Variants in ATF7IP observed in about 807,000 individuals in gnomAD.
The protein encoded by ATF7IP is activating transcription factor 7-interacting protein 1.
Under a neutral mutation model 106.4 loss-of-function variants are expected in ATF7IP, and 23 were observed. The ratio of observed to expected loss-of-function variants is 0.22; its 90% confidence interval spans 0.16 to 0.31. The LOEUF (loss-of-function observed/expected upper bound fraction) is 0.31, where lower values mean the gene tolerates loss of function less well. Among genes scored for constraint, ATF7IP ranks in the 10% least tolerant of loss-of-function variants. ATF7IP has a pLI of 1.00. For synonymous variants in ATF7IP, 542 were observed against 539.0 expected (o/e 1.01, Z -0.08); for missense variants, 1,334 against 1,524.3 (o/e 0.88, Z 2.08).
chr12:14,425,552 A>ATTGACTTTGATGAACTGTTTAATAAAAC, intron 2 of ATF7IP, 79 bp downstream of exon 2: 3 of 1,382,708 alleles, frequency 2.2e-6, no homozygotes, highest in Non-Finnish European at 2.9e-6. Flanking sequence ...ATAATGTTTT[A>ATTGACTTTGATGAACTGTTTAATAAAAC]AATTTATTTT....
chr12:14,383,723 T>G (rs919847661), intron 1 of ATF7IP, among the ~76,000 whole-genome samples: 3 of 152,092 alleles, frequency 2.0e-5, no homozygotes, highest in African/African-American at 7.2e-5. Context: ...TGCTAATGTT[T>G]TAAAAATTTT....
chr12:14,481,285 T>G (rs1944419920), intron 13 of ATF7IP, 100 bp downstream of exon 13: 7 of 1,095,122 alleles, frequency 6.4e-6, no homozygotes, highest in Admixed American at 2.2e-5. Flanking sequence ...CAAAAATTTC[T>G]TATAATGTCA....
rs202062208 is a variant in ATF7IP, at chr12:14,457,219, A to G, written c.2082A>G (p.Thr694=). Residue 694 remains threonine, a synonymous_variant, in exon 8 of 15, where the codon ACA becomes ACG. Transcript: ENST00000261168. Reference sequence around the variant, plus strand: ...ATGTATTTCATAGAAATGCAGGCACAGTGAGACAGATGCTGGAGTCCAAAA... The same window carrying G: ...ATGTATTTCATAGAAATGCAGGCACGGTGAGACAGATGCTGGAGTCCAAAA... The part of the protein sequence containing the change: ...NNNMSYRNAG[T]VRQMLESKRN... 1.9e-5 allele frequency: 31 copies of G among 1,613,470 alleles called. No homozygotes were observed. Among genetic ancestry groups the G allele is most frequent in the Non-Finnish European group, 2.5e-5 (29 of 1,179,650 alleles).
rs1379874621 is a variant in ATF7IP at position 14,478,525 on chromosome 12, A to C, written c.3097+53A>C. On this transcript the variant is annotated intron_variant, in intron 12 of 14. Coordinates refer to ENST00000261168, the MANE Select transcript of ATF7IP (RefSeq NM_018179.5). ...GCTTTGGTTTTGCCTGTAGAGAACTATGACTATGGAGTTAAGTGGAAAGAT... is the reference window on the plus strand; with the variant it reads ...GCTTTGGTTTTGCCTGTAGAGAACTCTGACTATGGAGTTAAGTGGAAAGAT... The C allele has an allele frequency of 8.2e-6, 13 of 1,587,962 alleles. No individual in the cohort carries two copies. The East Asian group carries it at 2.7e-4, about 33-fold the overall frequency.
chr12:14,469,070 A>G (rs1013861379), intron 10 of ATF7IP, among the ~76,000 whole-genome samples: 3 of 152,124 alleles, frequency 2.0e-5, no homozygotes, highest in Non-Finnish European at 2.9e-5. Flanking sequence ...TTTAGATCAG[A>G]AGAAATCTGG....
intron 1 of ATF7IP, among the ~76,000 whole-genome samples, chr12:14,372,155 ATTACT>A (rs755790381): frequency 6.6e-6 from 1 of 152,258 alleles, no homozygotes; most frequent in African/African-American, 2.4e-5. Context: ...GTATTTAAAC[ATTACT>A]TTGCCATGTT....
At chr12:14,495,419 T>C (rs1944983319) in intron 13 of ATF7IP, among the ~76,000 whole-genome samples, 1 of 152,236 alleles carries the variant, frequency 6.6e-6, no homozygotes. Context: ...GATCATAGCT[T>C]GGCTTCAACT....
chr12:14,425,450 C>G lies in ATF7IP; in HGVS notation c.1535C>G (p.Ser512Trp). 6.4e-7 allele frequency: 1 copy of G among 1,557,566 alleles called. No homozygotes were observed. The change falls in exon 2 of 15, where the codon TCG (serine) becomes TGG (tryptophan). Residue 512 changes from serine to tryptophan, a missense_variant. This residue lies in a region of ATF7IP where 119 missense variants were observed against 117.8 expected (regional missense o/e 1.01). Coordinates refer to ENST00000261168, the MANE Select transcript of ATF7IP (RefSeq NM_018179.5). ...GAAAAAGATGAGTCTGAAGTTATAT[C>G]GCAAAATGAAACGTGCTCTCCAGGT... ...SGEKDESEVI[S>W]QNETCSPAEV...
At chr12:14,395,445 C>T (rs1033252824) in intron 1 of ATF7IP, among the ~76,000 whole-genome samples, 1 of 152,046 alleles carries the variant, frequency 6.6e-6, no homozygotes, top group African/African-American at 2.4e-5. Flanking sequence ...ATGTAATTTT[C>T]ATCTTCTCAA....
intron 6 of ATF7IP, 134 bp from the exon 7 acceptor site, chr12:14,456,427 A>G: frequency 1.7e-6 from 1 of 588,760 alleles, no homozygotes; most frequent in Non-Finnish European, 3.0e-6. Context: ...TTATTGTCTC[A>G]GCTGGCAATG....
chr12:14,476,269 GGGT>G, intron 11 of ATF7IP: 1 of 219,326 alleles, frequency 4.6e-6, no homozygotes, highest in Non-Finnish European at 9.1e-6. Flanking sequence ...AAAATTAGCT[GGGT>G]GTGATGGCAT....
intron 1 of ATF7IP, among the ~76,000 whole-genome samples, chr12:14,385,827 G>A (rs1939210625): frequency 6.6e-6 from 1 of 151,688 alleles, no homozygotes. Flanking sequence ...GTGAGGTATT[G>A]TGTGGAAGCT....
At chr12:14,472,058 T>A (rs1404439565) in intron 10 of ATF7IP, among the ~76,000 whole-genome samples, 1 of 152,180 alleles carries the variant, frequency 6.6e-6, no homozygotes, top group Non-Finnish European at 1.5e-5. Flanking sequence ...CTATCCATAT[T>A]TATTTTTTAA....
intron 13 of ATF7IP, among the ~76,000 whole-genome samples, chr12:14,485,281 T>G (rs1225145514): frequency 6.6e-6 from 1 of 151,868 alleles, no homozygotes; most frequent in East Asian, 1.9e-4. Context: ...AGGAATGTGT[T>G]GTCTCCAAAA....
intron 6 of ATF7IP, 62 bp downstream of exon 6, chr12:14,447,115 C>A: frequency 1.5e-6 from 2 of 1,301,698 alleles, no homozygotes; most frequent in Non-Finnish European, 2.2e-6. Flanking sequence ...TTAGGAAATG[C>A]TGAATTAGGA....
intron 2 of ATF7IP, among the ~76,000 whole-genome samples, chr12:14,433,473 C>G (rs890337339): frequency 2.0e-4 from 31 of 152,108 alleles, no homozygotes; most frequent in Admixed American, 1.4e-3. Flanking sequence ...CTACTGTACA[C>G]TAGCCTGGCG....
intron 13 of ATF7IP, among the ~76,000 whole-genome samples, chr12:14,492,222 A>G (rs975257322): frequency 1.3e-5 from 2 of 152,222 alleles, no homozygotes; most frequent in Non-Finnish European, 2.9e-5. Flanking sequence ...TCCATTAATT[A>G]TCTGACCTCC....
chr12:14,427,868 C>A, intron 2 of ATF7IP, among the ~76,000 whole-genome samples: 1 of 152,128 alleles, frequency 6.6e-6, no homozygotes, highest in East Asian at 1.9e-4. Context: ...CGGTGCCTGG[C>A]ACACAGTAAG....
chr12:14,368,506 C>T (rs1938397098), intron 1 of ATF7IP, among the ~76,000 whole-genome samples: 1 of 152,034 alleles, frequency 6.6e-6, no homozygotes, highest in African/African-American at 2.4e-5. Context: ...GCTCATTTCT[C>T]TATTAAAAAT....
Sources: gnomAD v4.1 joint callset for allele counts (sites outside exome capture counted in the v4.1 genomes callset) on GRCh38, gnomAD v4.1.1 for gene constraint, gnomAD v4.1.1 regional missense constraint, MANE v1.5 for transcripts, NCBI Gene and HGNC (gene_info 2026-07-23, HGNC 2026-07-21) for gene names.